The following ABCC9 variants were observed in gnomAD, a reference collection of about 807,000 sequenced individuals.
ABCC9 encodes the protein ATP binding cassette subfamily C member 9.
A neutral mutation model predicts 188.3 loss-of-function variants in ABCC9; 95 were observed. That is an observed-to-expected ratio of 0.50 (90% confidence interval 0.43 to 0.60). ABCC9 has a LOEUF of 0.60. ABCC9 is among the 20% of genes least tolerant of loss of function. ABCC9 has a pLI of 0.00. For missense variants in ABCC9, 1,102 were observed against 1,876.3 expected, an observed-to-expected ratio of 0.59 and a Z score of 7.62; for synonymous variants, 659 against 652.7, an observed-to-expected ratio of 1.01 and a Z score of -0.15.
At chr12:21,923,025 C>T (rs1306179890) in intron 5 of ABCC9, 1 of 149,714 alleles carries the variant, frequency 6.7e-6, no homozygotes, top group Non-Finnish European at 1.5e-5. Flanking sequence ...AATGCAATCT[C>T]TTGAGAAACA....
At chr12:21,854,053 A>G (rs1945104981) in intron 22 of ABCC9, among the ~76,000 whole-genome samples, 1 of 152,220 alleles carries the variant, frequency 6.6e-6, no homozygotes, top group Non-Finnish European at 1.5e-5. Flanking sequence ...TCATGCTACT[A>G]CACACAGGCT....
At chr12:21,896,422 T>C (rs1193264026) in intron 12 of ABCC9, among the ~76,000 whole-genome samples, 1 of 152,198 alleles carries the variant, frequency 6.6e-6, no homozygotes, top group Non-Finnish European at 1.5e-5. Flanking sequence ...CAACCTTCTT[T>C]CTCTGACCAT....
At chr12:21,881,585 AG>A (rs1320222840) in intron 16 of ABCC9, among the ~76,000 whole-genome samples, 1 of 152,132 alleles carries the variant, frequency 6.6e-6, no homozygotes, top group African/African-American at 2.4e-5. Context: ...CCAATACATT[AG>A]TTGTTATCTG....
chr12:21,889,741 C>T (rs967289262), intron 14 of ABCC9, among the ~76,000 whole-genome samples: 4 of 152,158 alleles, frequency 2.6e-5, no homozygotes, highest in African/African-American at 9.7e-5. Flanking sequence ...CCCCACTCTT[C>T]CTGAGCATTG....
In ABCC9 at chr12:21,842,320, G is replaced by A; in HGVS notation, c.3467C>T (p.Ala1156Val). ...FYFIQKYFRVASKDLQELDDS... is the reference protein window; with the variant it reads ...FYFIQKYFRVVSKDLQELDDS... ...GGGATGCTGTTTTACTTACTTAGAG[G>A]CAACCCGAAAGTATTTCTGGATAAA... The change falls in exon 29 of 40, where the codon GCC becomes GTC. Residue 1156 changes from alanine to valine, a missense_variant. Physicochemically the swap from Ala to Val is moderately conservative, Grantham distance 64 (BLOSUM62 0). Coordinates refer to ENST00000261200, the MANE Select transcript of ABCC9 (RefSeq NM_020297.4). The A allele has an allele frequency of 6.2e-7, 1 of 1,613,664 alleles. No homozygotes were observed. The highest frequency in any genetic ancestry group is 8.5e-7 in the Non-Finnish European group (1 of 1,179,778).
At chr12:21,821,150 A>G (rs1181822554) in intron 31 of ABCC9, among the ~76,000 whole-genome samples, 4 of 152,184 alleles carry the variant, frequency 2.6e-5, no homozygotes, top group African/African-American at 7.2e-5. Flanking sequence ...TAGGATTTGT[A>G]TGAATCATTT....
At chr12:21,809,761 A>G (rs1942103721) in intron 37 of ABCC9, 91 bp downstream of exon 37, 2 of 781,052 alleles carry the variant, frequency 2.6e-6, no homozygotes, top group Admixed American at 2.1e-5. Flanking sequence ...ATTTAACACT[A>G]AAGTTATGTG....
chr12:21,889,756 C>A (rs1325043964), intron 14 of ABCC9, among the ~76,000 whole-genome samples: 1 of 152,152 alleles, frequency 6.6e-6, no homozygotes, highest in African/African-American at 2.4e-5. Context: ...GCATTGGAAG[C>A]AATGGTCCCT....
intron 32 of ABCC9, 106 bp downstream of exon 32, chr12:21,818,044 A>G: frequency 1.1e-6 from 1 of 879,082 alleles, no homozygotes. Flanking sequence ...GGTATGTGTA[A>G]TTCCCCTCTC....
intron 36 of ABCC9, among the ~76,000 whole-genome samples, chr12:21,810,303 A>G (rs1942143979): frequency 6.6e-6 from 1 of 152,206 alleles, no homozygotes. Context: ...GATGCTACAT[A>G]CATACATCTC....
intron 22 of ABCC9, among the ~76,000 whole-genome samples, chr12:21,858,301 C>T (rs1045701656): frequency 6.6e-6 from 1 of 151,890 alleles, no homozygotes; most frequent in Non-Finnish European, 1.5e-5. Flanking sequence ...CGGCTGGGCA[C>T]AGTGGCTCAC....
At chr12:21,891,689 T>G (rs1450239017) in intron 14 of ABCC9, among the ~76,000 whole-genome samples, 1 of 152,224 alleles carries the variant, frequency 6.6e-6, no homozygotes, top group East Asian at 1.9e-4. Context: ...AGCACAAGTT[T>G]GACAGTGTGC....
chr12:21,867,179 A>G (rs1945823609), intron 18 of ABCC9, among the ~76,000 whole-genome samples: 1 of 152,196 alleles, frequency 6.6e-6, no homozygotes, highest in Non-Finnish European at 1.5e-5. Context: ...ATTTTTATGA[A>G]TAATGTTATA....
At position 21,910,916 on chromosome 12, in the gene ABCC9, G is replaced by C; in HGVS notation, c.1074C>G (p.Leu358=). ...LENAYVLAVL[L]FLALILQRTF... ...TCCTTTGCAGAATAAGAGCCAAGAA[G>C]AGAAGAACTGCTAGAACGTAAGCGT... Residue 358 remains leucine, a synonymous_variant, in exon 9 of 40, where the codon CTC becomes CTG. Coordinates refer to ENST00000261200, the MANE Select transcript of ABCC9 (RefSeq NM_020297.4). 1 of 1,612,676 alleles carries C rather than the reference G, an allele frequency of 6.2e-7. No homozygotes were observed. Among genetic ancestry groups the C allele is most frequent in the South Asian group, 1.1e-5 (1 of 91,050 alleles).
intron 4 of ABCC9, among the ~76,000 whole-genome samples, chr12:21,928,660 A>T (rs7308081): frequency 0.95 from 144,609 of 152,234 alleles, 68,905 homozygotes; most frequent in East Asian, 1. Context: ...TTAGAAAAAG[A>T]ATGACAAACC....
In ABCC9 at chr12:21,800,897, T is replaced by C. The variant is rs529676218; in HGVS notation, c.*147A>G. On this transcript the variant is annotated 3_prime_UTR_variant, in exon 40 of 40. Transcript: ENST00000261200. ...AGCAATAATATCTTGAAAAACTGTTTTAAAAACAGGAAAAATAAATGTCCA... is the reference window on the plus strand; with the variant it reads ...AGCAATAATATCTTGAAAAACTGTTCTAAAAACAGGAAAAATAAATGTCCA... 7 of 938,270 alleles carry C rather than the reference T, an allele frequency of 7.5e-6. No homozygotes were observed. The highest frequency in any genetic ancestry group is 2.4e-5 in the Admixed American group (1 of 41,290). 58.1% of individuals were successfully genotyped at this position (938,270 alleles called of 1,614,324 possible).
intron 8 of ABCC9, among the ~76,000 whole-genome samples, chr12:21,912,402 T>G (rs1399192659): frequency 6.6e-6 from 1 of 152,006 alleles, no homozygotes; most frequent in Non-Finnish European, 1.5e-5. Context: ...ATAATGTGAC[T>G]TGCCCTGAAC....
chr12:21,886,947 C>T (rs964312479), intron 15 of ABCC9, among the ~76,000 whole-genome samples: 2 of 152,110 alleles, frequency 1.3e-5, no homozygotes, highest in Non-Finnish European at 2.9e-5. Flanking sequence ...AATGACCACC[C>T]TGCTTCAAGT....
intron 7 of ABCC9, 147 bp from the exon 8 acceptor site, chr12:21,913,213 A>T: frequency 1.0e-5 from 7 of 673,728 alleles, no homozygotes. Flanking sequence ...GCCTTTCAGC[A>T]TAGCATGCAT....
Sources: allele counts gnomAD v4.1 joint callset (sites outside exome capture counted in the v4.1 genomes callset), GRCh38; gene constraint gnomAD v4.1.1; transcripts MANE v1.5; gene names NCBI Gene and HGNC (gene_info 2026-07-23, HGNC 2026-07-21).